The following MCM9 variants were observed in gnomAD, a reference collection of about 807,000 sequenced individuals.
The protein encoded by MCM9 is minichromosome maintenance 9 homologous recombination repair factor.
MCM9 carries 55 observed loss-of-function variants against 72.8 expected under a neutral mutation model. The observed-to-expected ratio is 0.76, with a 90% CI of 0.61 to 0.95. The LOEUF is 0.95. MCM9 is among the 40% of genes least tolerant of loss of function. The pLI is 0.00. For missense variants in MCM9, 1,279 were observed against 1,377.0 expected, an observed-to-expected ratio of 0.93 and a Z score of 1.13; for synonymous variants, 480 against 503.4, an observed-to-expected ratio of 0.95 and a Z score of 0.62.
intron 8 of MCM9, among the ~76,000 whole-genome samples, chr6:118,910,081 C>T (rs575917887): frequency 1.5e-4 from 21 of 143,308 alleles, no homozygotes; most frequent in Admixed American, 1.3e-3. Flanking sequence ...TGCATCACTG[C>T]ACTCCAGCCT....
intron 8 of MCM9, among the ~76,000 whole-genome samples, chr6:118,859,098 T>C (rs1234250709): frequency 6.6e-6 from 1 of 152,074 alleles, no homozygotes. Context: ...AATCCAAAAG[T>C]TGTCCCACAC....
intron 13 of MCM9, among the ~76,000 whole-genome samples, chr6:118,825,046 T>C (rs558576664): frequency 3.3e-5 from 5 of 152,242 alleles, no homozygotes; most frequent in African/African-American, 1.2e-4. Flanking sequence ...ATAACAATGA[T>C]TCTGGGCCTC....
intron 8 of MCM9, among the ~76,000 whole-genome samples, chr6:118,885,617 A>C (rs570100065): frequency 6.6e-6 from 1 of 152,348 alleles, no homozygotes; most frequent in African/African-American, 2.4e-5. Context: ...AAACTAACTC[A>C]AGGAGAAAAA....
chr6:118,882,838 A>G (rs148240922), intron 8 of MCM9, among the ~76,000 whole-genome samples: 1,579 of 152,288 alleles, frequency 0.01, 30 homozygotes, highest in African/African-American at 0.036. Context: ...AATAAAAAAA[A>G]GGATAAAAAA....
At chr6:118,847,099 A>C (rs1775919464) in intron 9 of MCM9, among the ~76,000 whole-genome samples, 1 of 151,904 alleles carries the variant, frequency 6.6e-6, no homozygotes, top group Non-Finnish European at 1.5e-5. Context: ...GAAGATGTAT[A>C]TCCAGAGATG....
At chr6:118,900,737 G>A (rs1583599551) in intron 8 of MCM9, 4 of 1,444,116 alleles carry the variant, frequency 2.8e-6, no homozygotes, top group Non-Finnish European at 3.9e-6. Context: ...TACTGAATAT[G>A]AAATAATGCT....
At chr6:118,835,592 ATTT>A (rs1774901423) in intron 9 of MCM9, among the ~76,000 whole-genome samples, 1 of 151,922 alleles carries the variant, frequency 6.6e-6, no homozygotes, top group Non-Finnish European at 1.5e-5. Context: ...ATTCCTAGGT[ATTT>A]TATTCTCTTT....
Position 118,923,870 on chromosome 6 carries a change from C to A in MCM9, c.562G>T (p.Gly188Cys), listed in dbSNP as rs1369622276. 1 of 1,614,194 alleles carries A rather than the reference C, an allele frequency of 6.2e-7. No homozygotes were observed. Among genetic ancestry groups the A allele is most frequent in the Non-Finnish European group, 8.5e-7 (1 of 1,180,048 alleles). The change falls in exon 4 of 14, where the codon GGC (glycine) becomes TGC (cysteine). Residue 188 changes from glycine to cysteine, a missense_variant. By Grantham distance (159) the Gly-to-Cys change is radical. Transcript: ENST00000619706. ...CDSSKFTCLS[G>C]LSSSPTRCRD... Reference sequence around the variant, plus strand: ...CACCTGGTTGGAGACGAAGACAAGCCTGAGAGGCAAGTGAATTTAGAGGAA... The same window carrying A: ...CACCTGGTTGGAGACGAAGACAAGCATGAGAGGCAAGTGAATTTAGAGGAA...
intron 8 of MCM9, among the ~76,000 whole-genome samples, chr6:118,890,141 A>C (rs896503469): frequency 1.3e-5 from 2 of 152,116 alleles, no homozygotes; most frequent in African/African-American, 4.8e-5. Flanking sequence ...CCCAGTATAC[A>C]CCTGGACCAA....
intron 9 of MCM9, among the ~76,000 whole-genome samples, chr6:118,848,717 A>C (rs1357406899): frequency 6.6e-6 from 1 of 152,124 alleles, no homozygotes; most frequent in African/African-American, 2.4e-5. Context: ...TGAGCTCAGG[A>C]GTTTGAGACC....
chr6:118,931,169 C>T (rs1008344442), intron 3 of MCM9, among the ~76,000 whole-genome samples: 24 of 152,160 alleles, frequency 1.6e-4, no homozygotes, highest in African/African-American at 4.6e-4. Flanking sequence ...TAAACACAGA[C>T]GTGGAAATAT....
At chr6:118,824,035 C>A (rs938940403) in intron 13 of MCM9, among the ~76,000 whole-genome samples, 1 of 54,294 alleles carries the variant, frequency 1.8e-5, no homozygotes, top group East Asian at 5.3e-4. Flanking sequence ...GCAAACCCAC[C>A]TTTTTTTTTT....
intron 8 of MCM9, among the ~76,000 whole-genome samples, chr6:118,888,379 C>T (rs568038465): frequency 1.4e-3 from 215 of 152,046 alleles, no homozygotes; most frequent in Admixed American, 3.4e-3. Flanking sequence ...CCCAGCTACT[C>T]GGGAGGCTAA....
chr6:118,912,637 C>T (rs1471653572), intron 7 of MCM9: 1 of 152,380 alleles, frequency 6.6e-6, no homozygotes, highest in East Asian at 1.9e-4. Flanking sequence ...TACTAACAGC[C>T]TGATTTATAA....
intron 8 of MCM9, among the ~76,000 whole-genome samples, chr6:118,870,564 A>G (rs1450725427): frequency 6.6e-6 from 1 of 152,162 alleles, no homozygotes; most frequent in African/African-American, 2.4e-5. Context: ...ATCTAACATC[A>G]CAACTTAAGG....
intron 9 of MCM9, among the ~76,000 whole-genome samples, chr6:118,853,991 A>G (rs1776398122): frequency 6.6e-6 from 1 of 152,178 alleles, no homozygotes; most frequent in African/African-American, 2.4e-5. Flanking sequence ...ATCCTGAAAT[A>G]CTTCCTATTT....
intron 6 of MCM9, among the ~76,000 whole-genome samples, chr6:118,916,469 ATT>A (rs1780969812): frequency 6.8e-6 from 1 of 146,716 alleles, no homozygotes; most frequent in Non-Finnish European, 1.5e-5. Flanking sequence ...TATTATTATT[ATT>A]ATTATGAGAC....
chr6:118,820,001 T>G (rs1199827930), intron 13 of MCM9, among the ~76,000 whole-genome samples: 1 of 152,110 alleles, frequency 6.6e-6, no homozygotes, highest in Non-Finnish European at 1.5e-5. Context: ...GTCTATTTGA[T>G]TCTTCTCTCT....
At chr6:118,908,129 G>A (rs1490143140) in intron 8 of MCM9, 1 of 152,602 alleles carries the variant, frequency 6.6e-6, no homozygotes, top group Non-Finnish European at 1.5e-5. Context: ...AGAACTTTAG[G>A]ATCCAATTTT....
Sources: gnomAD v4.1 joint callset for allele counts (sites outside exome capture counted in the v4.1 genomes callset) on GRCh38, gnomAD v4.1.1 for gene constraint, MANE v1.5 for transcripts, NCBI Gene and HGNC (gene_info 2026-07-23, HGNC 2026-07-21) for gene names.